The following ZNF445 variants were observed in gnomAD, a reference collection of about 807,000 sequenced individuals.
ZNF445 encodes the protein zinc finger protein 445, also known as zinc finger protein 168.
ZNF445 carries 19 observed loss-of-function variants against 93.9 expected under a neutral mutation model. The ratio of observed to expected loss-of-function variants is 0.20; its 90% CI spans 0.14 to 0.30. The LOEUF (loss-of-function observed/expected upper bound fraction) is 0.30. Ranked by LOEUF, ZNF445 falls within the 10% of genes least tolerant of loss-of-function variation. ZNF445 has a pLI of 1.00. For synonymous variants in ZNF445, 449 were observed against 446.3 expected (o/e 1.01, Z -0.08); for missense variants, 1,058 against 1,259.4 (o/e 0.84, Z 2.42).
chr3:44,477,526 A>C (rs1698384647), intron 1 of ZNF445, 65 bp downstream of exon 1: 1 of 151,994 alleles, frequency 6.6e-6, no homozygotes, highest in Admixed American at 6.6e-5. Context: ...AATGCCGCGG[A>C]CTTCGGGGAG....
At position 44,446,880 on chromosome 3, in the gene ZNF445, G is replaced by A. The variant is rs199867036; in HGVS notation, c.2791C>T (p.Arg931Trp). Residue 931 changes from arginine to tryptophan, a missense_variant, in exon 8 of 8, where the codon CGG (arginine) becomes TGG (tryptophan). Physicochemically the swap from Arg to Trp is moderately radical, Grantham distance 101 (BLOSUM62 -3). Transcript: ENST00000396077. This position sits in a 1 kb window ranked among gnomAD's most constrained non-coding sequence, Gnocchi z 4.2. ...AAQAERSPPA[R>W]SSSQDTKLRL... ...AACTTTGTGTCCTGAGAGGAAGACC[G>A]TGCAGGCGGGCTACGTTCAGCCTGT... is the stretch of plus-strand genomic sequence containing the variant. 7.4e-6 allele frequency: 12 copies of A among 1,614,170 alleles called. No individual in the cohort carries two copies. The highest frequency in any genetic ancestry group is 2.2e-5 in the East Asian group (1 of 44,888).
chr3:44,454,647 G>A (rs1301921910), intron 3 of ZNF445, among the ~76,000 whole-genome samples: 3 of 152,120 alleles, frequency 2.0e-5, no homozygotes, highest in Non-Finnish European at 2.9e-5. Flanking sequence ...GGCTGGTCAC[G>A]AATTCCTGCA....
At position 44,448,173 on chromosome 3, in the gene ZNF445, G is replaced by C. The variant is rs1323272671; in HGVS notation, c.1498C>G (p.Leu500Val). 1 of 1,614,138 alleles carries C rather than the reference G, an allele frequency of 6.2e-7. No homozygotes were observed. Among genetic ancestry groups the C allele is most frequent in the Non-Finnish European group, 8.5e-7 (1 of 1,180,030 alleles). The change falls in exon 8 of 8, where the codon CTT becomes GTT. Residue 500 changes from leucine to valine, a missense_variant. Physicochemically the swap from Leu to Val is conservative, Grantham distance 32. Coordinates refer to ENST00000396077, the MANE Select transcript of ZNF445 (RefSeq NM_181489.6). ...CGRTFSHSSH[L>V]AYHQRLHTQE... ...GTGTGAAGTCTCTGATGATACGCAAGATGGGAGCTATGACTGAAAGTCCTT... is the reference window on the plus strand; with the variant it reads ...GTGTGAAGTCTCTGATGATACGCAACATGGGAGCTATGACTGAAAGTCCTT...
At position 44,439,596 on chromosome 3, in the gene ZNF445, A is replaced by G. The variant is rs1407844361; in HGVS notation, c.*6979T>C. On this transcript the variant is annotated 3_prime_UTR_variant, in exon 8 of 8. Transcript: ENST00000396077. ...CAGCCCAGCAGTCCACTCCTCCACC[A>G]TAGGTCTGAGTTCAGCTCCACAAGG... 1 of 152,324 alleles carries G rather than the reference A, an allele frequency of 6.6e-6. No homozygotes were observed. The highest frequency in any genetic ancestry group is 1.5e-5 in the Non-Finnish European group (1 of 68,160). The allele number at this position is 152,324 out of a possible 1,614,324, so 9.4% of individuals were successfully genotyped here. A position where few individuals can be genotyped will look rare whatever the true frequency, so the allele number is the denominator to read the frequency against.
In ZNF445 at chr3:44,436,872, TGAC is replaced by T; in HGVS notation, c.*9700_*9702del. Reference sequence around the variant, plus strand: ...CCATATCGAATAATTCAGCTTGATCTGACTTTATATTCCTTCCACGATGATCCT... The same window carrying T: ...CCATATCGAATAATTCAGCTTGATCTTTTATATTCCTTCCACGATGATCCT... On this transcript the variant is annotated 3_prime_UTR_variant, in exon 8 of 8. Transcript: ENST00000396077. The T allele has an allele frequency of 6.6e-6, 1 of 152,380 alleles. No homozygotes were observed. Among genetic ancestry groups the T allele is most frequent in the East Asian group, 1.9e-4 (1 of 5,188 alleles). The allele number at this position is 152,380 out of a possible 1,614,324, so 9.4% of individuals were successfully genotyped here.
chr3:44,465,137 A>G (rs1002886047), intron 1 of ZNF445, among the ~76,000 whole-genome samples: 2 of 152,184 alleles, frequency 1.3e-5, no homozygotes, highest in Admixed American at 6.6e-5. Flanking sequence ...GCTAAGAGCT[A>G]ACATTGTAAC....
At chr3:44,463,049 G>C (rs1354583552) in intron 1 of ZNF445, among the ~76,000 whole-genome samples, 1 of 130,990 alleles carries the variant, frequency 7.6e-6, no homozygotes, top group African/African-American at 2.9e-5. Context: ...GTGTGTGTGT[G>C]TGTATGAGAC....
At chr3:44,471,583 G>T (rs1698269097) in intron 1 of ZNF445, among the ~76,000 whole-genome samples, 1 of 152,200 alleles carries the variant, frequency 6.6e-6, no homozygotes, top group Admixed American at 6.5e-5. Flanking sequence ...CATTTGCTCT[G>T]AACTAATACC....
intron 3 of ZNF445, among the ~76,000 whole-genome samples, chr3:44,454,309 C>G (rs1436730516): frequency 6.6e-6 from 1 of 152,040 alleles, no homozygotes; most frequent in Non-Finnish European, 1.5e-5. Context: ...AAGCCAAGAG[C>G]CCTAACCCTA....
intron 1 of ZNF445, among the ~76,000 whole-genome samples, chr3:44,465,623 T>G (rs1214677368): frequency 6.6e-6 from 1 of 152,166 alleles, no homozygotes; most frequent in Non-Finnish European, 1.5e-5. Flanking sequence ...TTTAAAAAAC[T>G]AGCTTTAGGC....
rs114031009 is a variant in ZNF445, at chr3:44,460,842, C to T, written c.-268-2478G>A. On this transcript the variant is annotated intron_variant, in intron 1 of 7. Coordinates refer to ENST00000396077, the MANE Select transcript of ZNF445 (RefSeq NM_181489.6). ...CAGCAGGCAAAGTTTACTCCTTGGG[C>T]GGTTACAAATTTGGGGGCTTGTCCA... Among the ~76,000 whole-genome samples the T allele has an allele frequency of 7.6e-4, 116 of 152,294 alleles. 1 individual carries two copies. The highest frequency in any genetic ancestry group is 1.6e-3 in the African/African-American group (65 of 41,554).
At chr3:44,471,245 A>C (rs1221978901) in intron 1 of ZNF445, among the ~76,000 whole-genome samples, 1 of 152,176 alleles carries the variant, frequency 6.6e-6, no homozygotes, top group Non-Finnish European at 1.5e-5. Flanking sequence ...AAGCTTCTTT[A>C]TCTAGAAGTA....
intron 1 of ZNF445, among the ~76,000 whole-genome samples, chr3:44,476,463 G>A (rs1343424232): frequency 1.3e-5 from 2 of 151,548 alleles, no homozygotes; most frequent in Non-Finnish European, 2.9e-5. Context: ...GCACACACAT[G>A]CATGCACACA....
In ZNF445 at chr3:44,450,462, T is replaced by C; in HGVS notation, c.805A>G (p.Asn269Asp). 6.2e-7 allele frequency: 1 copy of C among 1,614,140 alleles called. No individual in the cohort carries two copies. The highest frequency in any genetic ancestry group is 1.1e-5 in the South Asian group (1 of 91,066). The change falls in exon 6 of 8, where the codon AAC becomes GAC. Residue 269 changes from asparagine to aspartate, a missense_variant. Around this residue, in one of 3 missense-constraint regions of ZNF445, gnomAD observed 657 missense variants for 746.4 expected, o/e 0.88. Transcript: ENST00000396077. ...YRDVMLENYRNMASLVGPFTK... is the reference protein window; with the variant it reads ...YRDVMLENYRDMASLVGPFTK... ...GATTACTTACCCAGGGAAGCCATGTTCCTATAATTCTCCAGCATCACATCC... is the reference window on the plus strand; with the variant it reads ...GATTACTTACCCAGGGAAGCCATGTCCCTATAATTCTCCAGCATCACATCC...
chr3:44,453,466 T>C (rs1003967067), intron 3 of ZNF445, among the ~76,000 whole-genome samples: 3 of 151,980 alleles, frequency 2.0e-5, no homozygotes, highest in Non-Finnish European at 4.4e-5. Flanking sequence ...GGCTAATTTC[T>C]GCCCTTTTAG....
intron 1 of ZNF445, among the ~76,000 whole-genome samples, chr3:44,463,030 TGTGTGTG>T: frequency 6.7e-6 from 1 of 149,692 alleles, no homozygotes; most frequent in South Asian, 2.1e-4. Context: ...TGTGTGTGTG[TGTGTGTG>T]TGTGTGTGTG....
chr3:44,446,110 G>GAAGGCT lies in ZNF445; in HGVS notation c.*459_*464dup, dbSNP rs1697874645. The GAAGGCT allele has an allele frequency of 5.9e-6, 1 of 170,560 alleles. No individual in the cohort carries two copies. Among genetic ancestry groups the GAAGGCT allele is most frequent in the South Asian group, 1.5e-4 (1 of 6,576 alleles). 10.6% of individuals were successfully genotyped at this position (170,560 alleles called of 1,614,324 possible). A position where few individuals can be genotyped will look rare whatever the true frequency, so the allele number is the denominator to read the frequency against. On this transcript the variant is annotated 3_prime_UTR_variant, in exon 8 of 8. Coordinates refer to ENST00000396077, the MANE Select transcript of ZNF445 (RefSeq NM_181489.6). This position sits in a 1 kb window ranked among gnomAD's most constrained non-coding sequence, Gnocchi z 4.2. ...CCAGAACTCCCCAGGGGGCATTTGG[G>GAAGGCT]AAGGCTAGGAGTTCTTGATGCTGCT...
Position 44,434,756 on chromosome 3 carries a change from A to G in ZNF445, c.*11819T>C, listed in dbSNP as rs1697641156. 1 of 152,184 alleles carries G rather than the reference A, an allele frequency of 6.6e-6. No homozygotes were observed. The allele number at this position is 152,184 out of a possible 1,614,324, so 9.4% of individuals were successfully genotyped here. On this transcript the variant is annotated 3_prime_UTR_variant, in exon 8 of 8. Coordinates refer to ENST00000396077, the MANE Select transcript of ZNF445 (RefSeq NM_181489.6). ...TAGAGAAACATTCACCAGATGGGTA[A>G]CTGGGCAGCCAAGGGGATAATCGGA...
rs938247830 is a variant in ZNF445, at chr3:44,454,931, G to A, written c.429+190C>T. ...GAGCTGATATTCCTCTGGGAAGGTAGGAAAGGATACCTGCTAAAGGGTCCG... is the reference window on the plus strand; with the variant it reads ...GAGCTGATATTCCTCTGGGAAGGTAAGAAAGGATACCTGCTAAAGGGTCCG... On this transcript the variant is annotated intron_variant, in intron 3 of 7. Coordinates refer to ENST00000396077, the MANE Select transcript of ZNF445 (RefSeq NM_181489.6). The A allele has an allele frequency of 3.2e-5, 21 of 647,070 alleles. No individual in the cohort carries two copies. In the South Asian group the frequency reaches 3.3e-4, roughly 10 times the overall value. The allele number at this position is 647,070 out of a possible 1,614,324, so 40.1% of individuals were successfully genotyped here.
Sources: gnomAD v4.1 joint callset for allele counts (sites outside exome capture counted in the v4.1 genomes callset) on GRCh38, gnomAD v4.1.1 for gene constraint, gnomAD v4.1.1 regional missense constraint, Gnocchi (gnomAD v3.1) non-coding constraint, MANE v1.5 for transcripts, NCBI Gene and HGNC (gene_info 2026-07-23, HGNC 2026-07-21) for gene names.